The following COL5A2 variants were observed in gnomAD, a reference collection of about 807,000 sequenced individuals.
COL5A2 encodes collagen type V alpha 2 chain.
A neutral mutation model predicts 208.2 loss-of-function variants in COL5A2; 23 were observed. The ratio of observed to expected loss-of-function variants is 0.11; its 90% CI spans 0.08 to 0.16. The LOEUF is 0.16. Ranked by LOEUF, COL5A2 falls within the 10% of genes least tolerant of loss-of-function variation. The pLI, the probability that COL5A2 is intolerant of heterozygous loss-of-function variation, is 1.00. For synonymous variants in COL5A2, 625 were observed against 628.5 expected, an observed-to-expected ratio of 0.99 and a Z score of 0.08; for missense variants, 1,590 against 1,956.4, an observed-to-expected ratio of 0.81 and a Z score of 3.53.
At chr2:189,421,411 TA>T in the COL5A2 span, among the ~76,000 whole-genome samples, 1 of 152,082 alleles carries the variant, frequency 6.6e-6, no homozygotes, top group Non-Finnish European at 1.5e-5. Context: ...AGTACATGGT[TA>T]TAGCATAATA....
chr2:189,034,799 T>C, intron 53 of COL5A2, 117 bp downstream of exon 53: 2 of 1,158,554 alleles, frequency 1.7e-6, no homozygotes, highest in Non-Finnish European at 2.5e-6. Flanking sequence ...ATAAACAAAC[T>C]GCTATTATGC....
At chr2:189,420,507 T>C in the COL5A2 span, among the ~76,000 whole-genome samples, 1 of 152,160 alleles carries the variant, frequency 6.6e-6, no homozygotes, top group Non-Finnish European at 1.5e-5. Flanking sequence ...TCTCGATTAA[T>C]TGTGCATCCC....
At chr2:189,331,447 G>A in the COL5A2 span, among the ~76,000 whole-genome samples, 1 of 152,200 alleles carries the variant, frequency 6.6e-6, no homozygotes, top group African/African-American at 2.4e-5. Flanking sequence ...TGTTGAGGGA[G>A]GGACCTGGAG....
chr2:189,058,875 C>G lies in COL5A2; in HGVS notation c.2104G>C (p.Gly702Arg). ...CTAGGTCCTAACGGGCCAACTGCTC[C>G]GGGATCTCCAGGAACACCCTATAAA... ...PGDQGVPGDP[G>R]AVGPLGPRGE... The change falls in exon 32 of 54, where the codon GGA becomes CGA. Residue 702 changes from glycine (G) to arginine (R), a missense_variant. Coordinates refer to ENST00000374866, the MANE Select transcript of COL5A2 (RefSeq NM_000393.5). 1 of 1,610,906 alleles carries G rather than the reference C, an allele frequency of 6.2e-7. No individual in the cohort carries two copies. The highest frequency in any genetic ancestry group is 8.5e-7 in the Non-Finnish European group (1 of 1,179,330).
rs1242353489 is a variant in COL5A2 at position 189,066,386 on chromosome 2, T to A, written c.1563+4A>T. On this transcript the variant is annotated splice_donor_region_variant and intron_variant, in intron 23 of 53. Transcript: ENST00000374866. ...TAAGAATGTGTTGTATTATTTAAATTTACCCTTTCTCCCACTGGCCCTGGA... is the reference window on the plus strand; with the variant it reads ...TAAGAATGTGTTGTATTATTTAAATATACCCTTTCTCCCACTGGCCCTGGA... 2.5e-6 allele frequency: 4 copies of A among 1,610,750 alleles called. No homozygotes were observed. Among genetic ancestry groups the A allele is most frequent in the Non-Finnish European group, 2.5e-6 (3 of 1,177,030 alleles).
chr2:189,329,526 C>A, the COL5A2 span, among the ~76,000 whole-genome samples: 2 of 152,054 alleles, frequency 1.3e-5, no homozygotes, highest in African/African-American at 2.4e-5. Context: ...TGCTAATTAG[C>A]TTGATTTTGG....
the COL5A2 span, among the ~76,000 whole-genome samples, chr2:189,434,572 C>G: frequency 1.3e-5 from 2 of 152,178 alleles, no homozygotes; most frequent in Non-Finnish European, 2.9e-5. Flanking sequence ...CACTCCCATT[C>G]ACAATTGCTT....
the COL5A2 span, among the ~76,000 whole-genome samples, chr2:189,259,821 A>G: frequency 6.6e-6 from 1 of 152,194 alleles, no homozygotes; most frequent in African/African-American, 2.4e-5. Context: ...TAGGGTCCCT[A>G]TCAGGGGAGA....
At chr2:189,292,825 T>C in the COL5A2 span, among the ~76,000 whole-genome samples, 1 of 152,156 alleles carries the variant, frequency 6.6e-6, no homozygotes, top group Non-Finnish European at 1.5e-5. Flanking sequence ...TGTGGCACTA[T>C]TCACAATAGC....
chr2:189,266,706 C>T, the COL5A2 span, among the ~76,000 whole-genome samples: 1 of 151,954 alleles, frequency 6.6e-6, no homozygotes. Flanking sequence ...TATTAGGATG[C>T]TTGAACTCTG....
the COL5A2 span, among the ~76,000 whole-genome samples, chr2:189,317,983 C>T: frequency 6.6e-6 from 1 of 152,098 alleles, no homozygotes; most frequent in Admixed American, 6.5e-5. Context: ...ACAAAATTTT[C>T]CTCTTTAGCA....
chr2:189,301,328 C>A, the COL5A2 span, among the ~76,000 whole-genome samples: 1 of 152,096 alleles, frequency 6.6e-6, no homozygotes, highest in African/African-American at 2.4e-5. Flanking sequence ...CTTTCTGATA[C>A]CCTACCCAAT....
the COL5A2 span, among the ~76,000 whole-genome samples, chr2:189,295,069 A>G: frequency 6.6e-6 from 1 of 152,072 alleles, no homozygotes; most frequent in Non-Finnish European, 1.5e-5. Context: ...TCCACCTCCC[A>G]AAGTCATGGA....
intron 1 of COL5A2, among the ~76,000 whole-genome samples, chr2:189,143,985 G>T (rs983720755): frequency 2.0e-5 from 3 of 152,010 alleles, no homozygotes; most frequent in Non-Finnish European, 2.9e-5. Context: ...TATTGAGATC[G>T]CCAGGGTAGA....
chr2:189,074,717 C>A (rs1467729068), intron 17 of COL5A2, among the ~76,000 whole-genome samples: 10 of 152,172 alleles, frequency 6.6e-5, no homozygotes, highest in Non-Finnish European at 1.3e-4. Flanking sequence ...CACTTTAAAC[C>A]AGAAATCTAC....
intron 1 of COL5A2, among the ~76,000 whole-genome samples, chr2:189,223,281 TA>T (rs1689370463): frequency 6.6e-6 from 1 of 152,154 alleles, no homozygotes. Context: ...TTATAAGAGT[TA>T]ATGCAACAAA....
the COL5A2 span, among the ~76,000 whole-genome samples, chr2:189,325,419 C>A: frequency 6.6e-6 from 1 of 151,680 alleles, no homozygotes; most frequent in African/African-American, 2.4e-5. Flanking sequence ...CTGTTCCTAG[C>A]GGTCCTTCCA....
the COL5A2 span, among the ~76,000 whole-genome samples, chr2:189,266,107 C>A: frequency 2.0e-5 from 3 of 151,970 alleles, no homozygotes; most frequent in African/African-American, 7.2e-5. Context: ...TATATCCATG[C>A]AAGGGAATAT....
At chr2:189,429,208 G>A in the COL5A2 span, among the ~76,000 whole-genome samples, 1 of 152,106 alleles carries the variant, frequency 6.6e-6, no homozygotes, top group East Asian at 1.9e-4. Context: ...TCAAGTCATC[G>A]TGTTGTACAT....
Sources: gnomAD v4.1 joint callset for allele counts (sites outside exome capture counted in the v4.1 genomes callset) on GRCh38, gnomAD v4.1.1 for gene constraint, MANE v1.5 for transcripts, NCBI Gene and HGNC (gene_info 2026-07-23, HGNC 2026-07-21) for gene names.